Variants in ZNF536 observed in about 807,000 individuals in gnomAD.
The protein encoded by ZNF536 is zinc finger protein 536.
Under a neutral mutation model 84.5 loss-of-function variants are expected in ZNF536, and 13 were observed. The observed-to-expected ratio is 0.15, with a 90% CI of 0.10 to 0.24. The LOEUF (loss-of-function observed/expected upper bound fraction) is 0.24. ZNF536 is among the 10% of genes least tolerant of loss of function. ZNF536 has a pLI of 1.00. For synonymous variants in ZNF536, 811 were observed against 742.5 expected (o/e 1.09, Z -1.50); for missense variants, 1,536 against 1,747.5 (o/e 0.88, Z 2.16).
At chr19:30,623,823 G>C (rs1012612286) in intron 1 of ZNF536, among the ~76,000 whole-genome samples, 1 of 152,172 alleles carries the variant, frequency 6.6e-6, no homozygotes, top group Admixed American at 6.5e-5. Context: ...TGTTTTGTTT[G>C]ATAGTGGATC....
intron 1 of ZNF536, among the ~76,000 whole-genome samples, chr19:30,379,608 T>G (rs1411167217): frequency 3.7e-4 from 46 of 124,458 alleles, no homozygotes; most frequent in South Asian, 5.3e-4. Flanking sequence ...AAAGGAGGGG[T>G]GGGGCTTGAG....
chr19:30,687,993 G>C (rs16964525), intron 1 of ZNF536, among the ~76,000 whole-genome samples: 2,871 of 144,190 alleles, frequency 0.02, 82 homozygotes, highest in African/African-American at 0.07. Context: ...TTAAAAAAGA[G>C]CATAACAATG....
intron 1 of ZNF536, among the ~76,000 whole-genome samples, chr19:30,614,338 T>C (rs1457862600): frequency 6.6e-6 from 1 of 152,116 alleles, no homozygotes; most frequent in Admixed American, 6.6e-5. Flanking sequence ...AGAGATCTAC[T>C]ATAATTTACT....
rs76198567 is a variant in ZNF536 at position 30,581,572 on chromosome 19, C to T, written c.169+32058C>T. Among the ~76,000 whole-genome samples the T allele has an allele frequency of 5.0e-3, 754 of 152,238 alleles. 9 individuals carry two copies. The highest frequency in any genetic ancestry group is 0.017 in the African/African-American group (722 of 41,544). On this transcript the variant is annotated intron_variant, in intron 1 of 1. Coordinates refer to the ZNF536 transcript ENST00000592773. ...GCTCTTGCAGGGGACAGAGAGAGGC[C>T]GAGATCAGCTGATGGCTGTGTCCTT... is the stretch of plus-strand genomic sequence containing the variant.
At chr19:30,478,571 C>G (rs1402868969) in intron 2 of ZNF536, among the ~76,000 whole-genome samples, 1 of 152,120 alleles carries the variant, frequency 6.6e-6, no homozygotes, top group African/African-American at 2.4e-5. Flanking sequence ...TATGTGTATA[C>G]CGGGGAATAA....
At chr19:30,369,405 A>G (rs1418788811), upstream of ZNF536, among the ~76,000 whole-genome samples, 2 of 152,228 alleles carry the variant, frequency 1.3e-5, no homozygotes, top group Non-Finnish European at 2.9e-5. Context: ...GAATGGTAGC[A>G]CAGGGCTCGG....
At chr19:30,588,698 C>T (rs543022495) in intron 1 of ZNF536, among the ~76,000 whole-genome samples, 1 of 152,160 alleles carries the variant, frequency 6.6e-6, no homozygotes, top group African/African-American at 2.4e-5. Flanking sequence ...GGCCCAGAAC[C>T]TTTTCAGGCA....
intron 2 of ZNF536, among the ~76,000 whole-genome samples, chr19:30,447,899 AC>A (rs2052427112): frequency 6.6e-6 from 1 of 152,208 alleles, no homozygotes; most frequent in Non-Finnish European, 1.5e-5. Flanking sequence ...ATATTCTGAC[AC>A]CAAATGTTCA....
intron 1 of ZNF536, among the ~76,000 whole-genome samples, chr19:30,237,541 G>C (rs956042850): frequency 6.6e-6 from 1 of 152,152 alleles, no homozygotes; most frequent in East Asian, 1.9e-4. Flanking sequence ...ATTCTTGCTG[G>C]ACTGTGGGGG....
chr19:30,593,368 A>T (rs976677245), intron 1 of ZNF536, among the ~76,000 whole-genome samples: 2 of 152,256 alleles, frequency 1.3e-5, no homozygotes, highest in African/African-American at 4.8e-5. Flanking sequence ...TGCTGGGGAT[A>T]AATTGCCCGA....
At chr19:30,407,602 T>G (rs1207005642) in intron 1 of ZNF536, among the ~76,000 whole-genome samples, 1 of 152,222 alleles carries the variant, frequency 6.6e-6, no homozygotes, top group South Asian at 2.1e-4. Flanking sequence ...AATCCCCTGT[T>G]TGTGTTCTGA....
chr19:30,387,903 G>C (rs12461506), intron 1 of ZNF536, among the ~76,000 whole-genome samples: 74,975 of 152,034 alleles, frequency 0.49, 21,449 homozygotes, highest in Non-Finnish European at 0.63. Flanking sequence ...GTCCAGGCTG[G>C]TTGGTCAGTG....
chr19:30,558,843 G>A (rs2046058581), downstream of ZNF536, among the ~76,000 whole-genome samples: 1 of 152,088 alleles, frequency 6.6e-6, no homozygotes, highest in African/African-American at 2.4e-5. Flanking sequence ...GGGACTGGGG[G>A]TAGGACACAA....
chr19:30,320,226 G>A (rs1402519804), intron 2 of ZNF536, among the ~76,000 whole-genome samples: 1 of 152,076 alleles, frequency 6.6e-6, no homozygotes, highest in Non-Finnish European at 1.5e-5. Flanking sequence ...CCCAATAACT[G>A]TCAATATTTT....
chr19:30,688,431 C>T (rs1040271306), intron 1 of ZNF536, among the ~76,000 whole-genome samples: 2 of 152,180 alleles, frequency 1.3e-5, no homozygotes, highest in African/African-American at 4.8e-5. Context: ...GCTTAAGATG[C>T]ACTTTCTCCA....
At chr19:30,256,468 C>A (rs180962430) in intron 1 of ZNF536, among the ~76,000 whole-genome samples, 207 of 152,298 alleles carry the variant, frequency 1.4e-3, no homozygotes, top group African/African-American at 4.8e-3. Flanking sequence ...GCAATAGCGA[C>A]GTATGTTTAA....
intron 1 of ZNF536, among the ~76,000 whole-genome samples, chr19:30,430,007 G>T (rs1487581941): frequency 6.6e-6 from 1 of 151,346 alleles, no homozygotes; most frequent in Non-Finnish European, 1.5e-5. Flanking sequence ...TCCACCATGA[G>T]ACAGAGTGGG....
chr19:30,409,004 G>GTCCATCCATCCA lies in ZNF536; in HGVS notation c.-2-34536_-2-34525dup, dbSNP rs370424061. ...TTCATTCATTCATTATCATCCATTG[G>GTCCATCCATCCA]TCCATCCATCCATCCATCCATCCAT... On this transcript the variant is annotated intron_variant, in intron 1 of 4. Transcript: ENST00000355537. 9.2e-3 allele frequency among the ~76,000 whole-genome samples: 1,233 copies of GTCCATCCATCCA among 134,194 alleles called. 27 individuals are homozygous for GTCCATCCATCCA. The highest frequency in any genetic ancestry group is 0.033 in the African/African-American group (1,171 of 35,366). The allele number at this position is 134,194 out of a possible 152,430, so 88.0% of individuals were successfully genotyped here. A position where few individuals can be genotyped will look rare whatever the true frequency, so the allele number is the denominator to read the frequency against.
chr19:30,645,430 T>TA (rs888142610), intron 1 of ZNF536, among the ~76,000 whole-genome samples: 32 of 152,178 alleles, frequency 2.1e-4, no homozygotes, highest in Non-Finnish European at 4.1e-4. Flanking sequence ...GGCATTTCTT[T>TA]AAAAAAATTT....
Sources: gnomAD v4.1 joint callset for allele counts (sites outside exome capture counted in the v4.1 genomes callset) on GRCh38, gnomAD v4.1.1 for gene constraint, MANE v1.5 for transcripts, NCBI Gene and HGNC (gene_info 2026-07-23, HGNC 2026-07-21) for gene names.